Variants in SEMA5A observed in about 807,000 individuals in gnomAD.
SEMA5A encodes the protein semaphorin 5A, also known as semaphorin-5A.
Under a neutral mutation model 135.5 loss-of-function variants are expected in SEMA5A, and 55 were observed. That is an observed-to-expected ratio of 0.41 (90% CI 0.33 to 0.51). The LOEUF (loss-of-function observed/expected upper bound fraction) is 0.51. SEMA5A is among the 20% of genes least tolerant of loss of function. SEMA5A has a pLI of 0.37. For synonymous variants in SEMA5A, 580 were observed against 546.5 expected, an observed-to-expected ratio of 1.06 and a Z score of -0.85; for missense variants, 1,290 against 1,419.9, an observed-to-expected ratio of 0.91 and a Z score of 1.47.
chr5:9,488,262 G>A (rs1349033275), intron 1 of SEMA5A, among the ~76,000 whole-genome samples: 1 of 152,092 alleles, frequency 6.6e-6, no homozygotes, highest in Non-Finnish European at 1.5e-5. Flanking sequence ...CCTTGGACAT[G>A]TAAAATTGGT....
chr5:9,381,228 A>T, intron 2 of SEMA5A, among the ~76,000 whole-genome samples: 1 of 152,232 alleles, frequency 6.6e-6, no homozygotes, highest in East Asian at 1.9e-4. Context: ...ATAGAAATGG[A>T]GAAGTCAGTT....
chr5:9,446,850 TA>T (rs940024484), intron 1 of SEMA5A, among the ~76,000 whole-genome samples: 2 of 152,186 alleles, frequency 1.3e-5, no homozygotes, highest in Admixed American at 6.5e-5. Flanking sequence ...TGTTAAAACA[TA>T]AAAAAAGGGC....
intron 3 of SEMA5A, among the ~76,000 whole-genome samples, chr5:9,350,603 G>T (rs1754070262): frequency 6.6e-6 from 1 of 152,202 alleles, no homozygotes; most frequent in African/African-American, 2.4e-5. Context: ...GGTCAGCCAT[G>T]CAAGCATTCC....
intron 13 of SEMA5A, among the ~76,000 whole-genome samples, chr5:9,135,391 C>A (rs888588554): frequency 3.3e-5 from 5 of 151,862 alleles, no homozygotes; most frequent in Admixed American, 3.3e-4. Flanking sequence ...CTGTGTTAGC[C>A]AGGATGGTCT....
At chr5:9,102,387 A>C (rs1739677823) in intron 16 of SEMA5A, among the ~76,000 whole-genome samples, 1 of 152,190 alleles carries the variant, frequency 6.6e-6, no homozygotes, top group Admixed American at 6.5e-5. Flanking sequence ...GTATTTCTAA[A>C]ACCCACAGGA....
In SEMA5A at chr5:9,353,415, G is replaced by A. The variant is rs140770504; in HGVS notation, c.125-15603C>T. Among the ~76,000 whole-genome samples, 516 of 150,218 alleles carry A rather than the reference G, an allele frequency of 3.4e-3. 7 individuals are homozygous for A. Among genetic ancestry groups the A allele is most frequent in the African/African-American group, 0.012 (492 of 40,954 alleles). ...AAGGAAGGGAAAGAAAGGAAGGAAA[G>A]GAAGGAAAGAAAGACAATTTTAAAG... is the stretch of plus-strand genomic sequence containing the variant. On this transcript the variant is annotated intron_variant, in intron 3 of 22. Transcript: ENST00000382496.
In SEMA5A at chr5:9,041,135, C is replaced by T. The variant is rs1472294686; in HGVS notation, c.*1762G>A. On this transcript the variant is annotated 3_prime_UTR_variant, in exon 23 of 23. Transcript: ENST00000382496. ...ACAGAGCCCACCTGCCATTTCAATA[C>T]TGTGTCATCTCTGTAAATCTGGGTA... 2 of 152,214 alleles carry T rather than the reference C, an allele frequency of 1.3e-5. No homozygotes were observed. The highest frequency in any genetic ancestry group is 2.9e-5 in the Non-Finnish European group (2 of 68,036). 9.4% of individuals were successfully genotyped at this position (152,214 alleles called of 1,614,324 possible). A position where few individuals can be genotyped will look rare whatever the true frequency, so the allele number is the denominator to read the frequency against.
At chr5:9,484,765 G>T (rs1258018926) in intron 1 of SEMA5A, among the ~76,000 whole-genome samples, 2 of 152,110 alleles carry the variant, frequency 1.3e-5, no homozygotes, top group Admixed American at 1.3e-4. Flanking sequence ...AGTCCTCAGG[G>T]TGGATGGTAT....
At chr5:9,182,155 C>T (rs568472087) in intron 11 of SEMA5A, among the ~76,000 whole-genome samples, 1 of 134,748 alleles carries the variant, frequency 7.4e-6, no homozygotes, top group Non-Finnish European at 1.6e-5. Context: ...TTCTGCCCCC[C>T]ACCCCAAAAA....
At chr5:9,045,481 AG>A (rs1416136565) in intron 21 of SEMA5A, among the ~76,000 whole-genome samples, 2 of 152,222 alleles carry the variant, frequency 1.3e-5, no homozygotes, top group African/African-American at 2.4e-5. Flanking sequence ...AAAGTACAAA[AG>A]GGTCTACAGG....
chr5:9,241,777 G>C (rs942256048), intron 5 of SEMA5A, among the ~76,000 whole-genome samples: 1 of 152,042 alleles, frequency 6.6e-6, no homozygotes, highest in Non-Finnish European at 1.5e-5. Context: ...TTTTATGTAT[G>C]TGTTACATAC....
intron 18 of SEMA5A, among the ~76,000 whole-genome samples, chr5:9,055,162 C>G (rs1413626555): frequency 1.3e-5 from 2 of 152,130 alleles, no homozygotes; most frequent in Admixed American, 6.5e-5. Flanking sequence ...CTTGCTAAAA[C>G]CAAGACCTCA....
At chr5:9,175,624 T>C (rs1389081636) in intron 11 of SEMA5A, among the ~76,000 whole-genome samples, 2 of 152,134 alleles carry the variant, frequency 1.3e-5, no homozygotes, top group Non-Finnish European at 1.5e-5. Context: ...ATTATACACA[T>C]TTGCTCATGG....
At chr5:9,463,102 A>G (rs1286071111) in intron 1 of SEMA5A, among the ~76,000 whole-genome samples, 1 of 152,206 alleles carries the variant, frequency 6.6e-6, no homozygotes. Flanking sequence ...ACTTGCATCC[A>G]AGCTCTGATA....
intron 11 of SEMA5A, among the ~76,000 whole-genome samples, chr5:9,160,108 C>T (rs913560388): frequency 7.9e-5 from 12 of 152,110 alleles, no homozygotes; most frequent in African/African-American, 2.9e-4. Context: ...TGCAACAAAC[C>T]ACCATGGCAC....
At chr5:9,297,928 A>G (rs1680768777) in intron 5 of SEMA5A, among the ~76,000 whole-genome samples, 1 of 152,122 alleles carries the variant, frequency 6.6e-6, no homozygotes, top group Non-Finnish European at 1.5e-5. Context: ...TATTTGGGAA[A>G]ACAGCCTATA....
intron 1 of SEMA5A, among the ~76,000 whole-genome samples, chr5:9,483,531 C>A (rs1043792715): frequency 1.3e-5 from 2 of 152,144 alleles, no homozygotes; most frequent in African/African-American, 4.8e-5. Flanking sequence ...GGCATATGGA[C>A]TTCACTTGAG....
intron 18 of SEMA5A, among the ~76,000 whole-genome samples, chr5:9,058,026 A>G (rs1736986495): frequency 6.6e-6 from 1 of 152,218 alleles, no homozygotes; most frequent in African/African-American, 2.4e-5. Flanking sequence ...GGGGAAGTAG[A>G]AAGTTGCAGG....
chr5:9,460,833 TATG>T (rs1478567415), intron 1 of SEMA5A, among the ~76,000 whole-genome samples: 1 of 152,242 alleles, frequency 6.6e-6, no homozygotes, highest in Non-Finnish European at 1.5e-5. Flanking sequence ...AAGAAGCACC[TATG>T]ATAACCTATG....
Sources: gnomAD v4.1 joint callset for allele counts (sites outside exome capture counted in the v4.1 genomes callset) on GRCh38, gnomAD v4.1.1 for gene constraint, MANE v1.5 for transcripts, NCBI Gene and HGNC (gene_info 2026-07-23, HGNC 2026-07-21) for gene names.